LMF1: variants seen among roughly 807,000 people sequenced by gnomAD.
LMF1 encodes the protein lipase maturation factor 1.
In LMF1, 68 loss-of-function variants were observed where a neutral mutation model predicts 60.6. The ratio of observed to expected loss-of-function variants is 1.12; its 90% CI spans 0.92 to 1.37. The LOEUF (loss-of-function observed/expected upper bound fraction) is 1.37. LMF1 is among the 40% of genes most tolerant of loss of function. The pLI is 0.00. For missense variants in LMF1, 948 were observed against 767.2 expected (o/e 1.24, Z -2.78); for synonymous variants, 418 against 324.7 (o/e 1.29, Z -3.09).
chr16:855,597 C>T (rs2069163685), intron 10 of LMF1: 2 of 418,124 alleles, frequency 4.8e-6, no homozygotes, highest in Non-Finnish European at 4.8e-6. Flanking sequence ...CCCTCCAGGC[C>T]CCTTCGCAGT....
intron 1 of LMF1, among the ~76,000 whole-genome samples, chr16:970,273 G>A (rs2073013232): frequency 1.3e-5 from 2 of 152,238 alleles, no homozygotes; most frequent in African/African-American, 2.4e-5. Context: ...GCCGCACGCG[G>A]CAGGGATGTG....
At position 926,580 on chromosome 16, in the gene LMF1, A is replaced by G. The variant is rs78142111; in HGVS notation, c.514+7664T>C. ...GAACCGGGAGGTTAACACGGGGTGG[A>G]TGTAAATTAGATGAAAAAAGACTAC... On this transcript the variant is annotated intron_variant, in intron 3 of 10. Transcript: ENST00000262301. Among the ~76,000 whole-genome samples the G allele has an allele frequency of 6.3e-4, 96 of 152,314 alleles. 2 individuals carry two copies. In the East Asian group the frequency reaches 0.015, roughly 25 times the overall value.
At chr16:856,511 A>T (rs1443548831) in intron 10 of LMF1, among the ~76,000 whole-genome samples, 1 of 152,148 alleles carries the variant, frequency 6.6e-6, no homozygotes, top group East Asian at 1.9e-4. Flanking sequence ...GAGGGTGGGG[A>T]TCCTGGGAAG....
rs555709834 is a variant in LMF1 at position 854,443 on chromosome 16, C to T, written c.*89G>A. ...GCTCTCCTCTCCACGTCTCTCTTGG[C>T]GATGCCCAGCTTGGGCTGGGCGCAG... On this transcript the variant is annotated 3_prime_UTR_variant, in exon 11 of 11. Transcript: ENST00000262301. 14 of 1,323,674 alleles carry T rather than the reference C, an allele frequency of 1.1e-5. No individual in the cohort carries two copies. Among genetic ancestry groups the T allele is most frequent in the East Asian group, 7.5e-5 (3 of 40,094 alleles). 82.0% of individuals were successfully genotyped at this position (1,323,674 alleles called of 1,614,324 possible).
chr16:868,771 T>TGGGGC (rs1317377540), intron 10 of LMF1, among the ~76,000 whole-genome samples, 173 bp downstream of exon 10: 1 of 990 alleles, frequency 1.0e-3, no homozygotes, highest in Non-Finnish European at 2.5e-3. Flanking sequence ...AAGGCTGATG[T>TGGGGC]GGGGCGGGGG....
At chr16:950,909 C>CGACAGAGTCAGCCAAT (rs1456872955) in intron 2 of LMF1, among the ~76,000 whole-genome samples, 1 of 138,694 alleles carries the variant, frequency 7.2e-6, no homozygotes, top group Non-Finnish European at 1.5e-5. Flanking sequence ...TCAGAGCCAA[C>CGACAGAGTCAGCCAAT]GACAGAGTCA....
At chr16:858,332 G>GC (rs1234025404) in intron 10 of LMF1, among the ~76,000 whole-genome samples, 29 of 47,622 alleles carry the variant, frequency 6.1e-4, no homozygotes, top group African/African-American at 2.3e-3. Flanking sequence ...GGATGGGTGT[G>GC]AGTGGTGTCT....
intron 3 of LMF1, among the ~76,000 whole-genome samples, chr16:919,722 C>T (rs1210284835): frequency 1.3e-5 from 2 of 152,070 alleles, no homozygotes; most frequent in East Asian, 3.9e-4. Context: ...GAAGTGTTTT[C>T]CTAGAAACAC....
intron 4 of LMF1, among the ~76,000 whole-genome samples, chr16:909,603 T>C (rs903485090): frequency 2.6e-5 from 4 of 152,144 alleles, no homozygotes; most frequent in African/African-American, 9.7e-5. Flanking sequence ...TGAACCATGC[T>C]ACACGCTACA....
chr16:861,107 G>A (rs1420979539), intron 10 of LMF1, among the ~76,000 whole-genome samples: 5 of 152,128 alleles, frequency 3.3e-5, no homozygotes, highest in African/African-American at 1.2e-4. Context: ...ACCCACGAAC[G>A]CGGCCGTGTC....
intron 5 of LMF1, among the ~76,000 whole-genome samples, chr16:890,069 G>A (rs185691353): frequency 3.8e-4 from 58 of 152,180 alleles, no homozygotes; most frequent in African/African-American, 1.4e-3. Context: ...CCTGTACCTA[G>A]GACCCCCCAG....
At position 879,593 on chromosome 16, in the gene LMF1, C is replaced by T. The variant is rs764154907; in HGVS notation, c.874G>A (p.Gly292Arg). Residue 292 changes from glycine to arginine, a missense_variant, in exon 6 of 11, where the codon GGG becomes AGG. Physicochemically the swap from Gly to Arg is moderately radical, Grantham distance 125. Transcript: ENST00000262301. ...ACCTGGAACAGGATCTGCAGCACCCCGTGGATGATGCACGCCCGCCGGCCG... is the reference window on the plus strand; with the variant it reads ...ACCTGGAACAGGATCTGCAGCACCCTGTGGATGATGCACGCCCGCCGGCCG... ...FLGRRACIIH[G>R]VLQILFQAVL... 1.4e-5 allele frequency: 22 copies of T among 1,612,928 alleles called. No homozygotes were observed. Among genetic ancestry groups the T allele is most frequent in the East Asian group, 4.5e-5 (2 of 44,862 alleles).
intron 3 of LMF1, among the ~76,000 whole-genome samples, chr16:915,057 G>T (rs1046756074): frequency 1.3e-5 from 2 of 152,230 alleles, no homozygotes; most frequent in African/African-American, 2.4e-5. Flanking sequence ...GGGCTTGTAG[G>T]GTTTTCACCA....
chr16:854,561 G>A lies in LMF1; in HGVS notation c.1675C>T (p.Arg559Cys), dbSNP rs199544373. Residue 559 changes from arginine to cysteine, a missense_variant, in exon 11 of 11, where the codon CGT (arginine) becomes TGT (cysteine). By Grantham distance (180) the Arg-to-Cys change is radical. Transcript: ENST00000262301. ...LEELRPYFRD[R>C]GWPLPGPL is the part of the protein sequence containing the mutation. ...AGGGGCCCGGGCAGAGGCCACCCAC[G>A]GTCCCTGAAGTAGGGCCTCAGCTCC... 1.2e-5 allele frequency: 19 copies of A among 1,608,272 alleles called. No individual in the cohort carries two copies. The highest frequency in any genetic ancestry group is 2.7e-5 in the African/African-American group (2 of 74,980).
chr16:939,096 G>T (rs1028283973), intron 2 of LMF1, among the ~76,000 whole-genome samples: 1 of 152,102 alleles, frequency 6.6e-6, no homozygotes, highest in Non-Finnish European at 1.5e-5. Flanking sequence ...GAACGGCAAA[G>T]GCAAAACACA....
In LMF1 at chr16:854,382, C is replaced by T. The variant is rs770466981; in HGVS notation, c.*150G>A. 1.4e-5 allele frequency: 12 copies of T among 859,748 alleles called. No homozygotes were observed. The highest frequency in any genetic ancestry group is 2.9e-5 in the South Asian group (2 of 68,082). 53.3% of individuals were successfully genotyped at this position (859,748 alleles called of 1,614,324 possible). ...CGCCACAGTATGTGACAACAGACCC[C>T]ACCCTGGACCCCCGTGCTGGGGGCT... On this transcript the variant is annotated 3_prime_UTR_variant, in exon 11 of 11. Transcript: ENST00000262301.
At chr16:945,473 C>A (rs2072215140) in intron 2 of LMF1, among the ~76,000 whole-genome samples, 2 of 151,178 alleles carry the variant, frequency 1.3e-5, no homozygotes, top group African/African-American at 4.9e-5. Flanking sequence ...CTGCAGTGGG[C>A]TGTGACTGTG....
chr16:875,071 G>A (rs1315448939), intron 6 of LMF1, among the ~76,000 whole-genome samples: 1 of 152,176 alleles, frequency 6.6e-6, no homozygotes, highest in Non-Finnish European at 1.5e-5. Context: ...CGACCCTGGT[G>A]CTTCCACCTC....
At chr16:913,273 G>A (rs1055965092) in intron 3 of LMF1, among the ~76,000 whole-genome samples, 6 of 152,242 alleles carry the variant, frequency 3.9e-5, no homozygotes, top group African/African-American at 1.4e-4. Context: ...CACCCTGTGA[G>A]GAGCCTGACG....
Sources: gnomAD v4.1 joint callset for allele counts (sites outside exome capture counted in the v4.1 genomes callset) on GRCh38, gnomAD v4.1.1 for gene constraint, MANE v1.5 for transcripts, NCBI Gene and HGNC (gene_info 2026-07-23, HGNC 2026-07-21) for gene names.